Variants in ASAP2 observed in about 807,000 individuals in gnomAD.
ASAP2 encodes arf-GAP with SH3 domain, ANK repeat and PH domain-containing protein 2.
A neutral mutation model predicts 131.4 loss-of-function variants in ASAP2; 45 were observed. The ratio of observed to expected loss-of-function variants is 0.34; its 90% CI spans 0.27 to 0.44. The LOEUF is 0.44. Among genes scored for constraint, ASAP2 ranks in the 20% least tolerant of loss-of-function variants. The pLI is 1.00. For synonymous variants in ASAP2, 510 were observed against 503.0 expected (o/e 1.01, Z -0.19); for missense variants, 1,011 against 1,297.0 (o/e 0.78, Z 3.39).
At chr2:9,319,133 T>A (rs1433233478) in intron 4 of ASAP2, among the ~76,000 whole-genome samples, 1 of 152,032 alleles carries the variant, frequency 6.6e-6, no homozygotes, top group Non-Finnish European at 1.5e-5. Flanking sequence ...GAGGGGCGTT[T>A]GCTCATGAGC....
intron 2 of ASAP2, among the ~76,000 whole-genome samples, chr2:9,288,164 A>T (rs1667584966): frequency 6.6e-6 from 1 of 152,164 alleles, no homozygotes. Context: ...TGGGATGCCC[A>T]TACCCCCATA....
intron 16 of ASAP2, among the ~76,000 whole-genome samples, chr2:9,372,715 A>T (rs1176611206): frequency 6.6e-6 from 1 of 152,200 alleles, no homozygotes; most frequent in Non-Finnish European, 1.5e-5. Flanking sequence ...GTTCAGGGTC[A>T]GAGGTGGCTG....
chr2:9,301,653 G>A (rs183549418), intron 3 of ASAP2, among the ~76,000 whole-genome samples: 428 of 152,206 alleles, frequency 2.8e-3, no homozygotes, highest in Admixed American at 4.9e-3. Context: ...TGCAGAACCC[G>A]CTCCACATGA....
intron 3 of ASAP2, among the ~76,000 whole-genome samples, chr2:9,309,315 G>A (rs912987760): frequency 1.2e-4 from 19 of 152,168 alleles, no homozygotes; most frequent in Admixed American, 3.3e-4. Flanking sequence ...ACTGGTACAC[G>A]CAACTACATG....
At chr2:9,368,237 C>T (rs908153470) in intron 15 of ASAP2, among the ~76,000 whole-genome samples, 188 bp from the exon 16 acceptor site, 6 of 152,234 alleles carry the variant, frequency 3.9e-5, no homozygotes, top group Non-Finnish European at 7.4e-5. Flanking sequence ...ATAGGCATGC[C>T]GCTTCTTATC....
At chr2:9,397,750 ATTTT>A (rs1172660637) in intron 24 of ASAP2, among the ~76,000 whole-genome samples, 1 of 44,802 alleles carries the variant, frequency 2.2e-5, no homozygotes, top group African/African-American at 1.7e-4. Context: ...ATATATATAT[ATTTT>A]TTTTTTTTTT....
chr2:9,323,765 C>T, intron 6 of ASAP2, among the ~76,000 whole-genome samples: 1 of 152,190 alleles, frequency 6.6e-6, no homozygotes, highest in Non-Finnish European at 1.5e-5. Flanking sequence ...CCCAGGTGGC[C>T]TGGGGAGCGC....
rs769904858 is a variant in ASAP2 at position 9,400,803 on chromosome 2, T to C, written c.2796T>C (p.Pro932=). The C allele has an allele frequency of 7.4e-6, 12 of 1,613,534 alleles. No homozygotes were observed. In the Admixed American group the frequency reaches 2.0e-4, roughly 27 times the overall value. ...PLSNAMVLQP[P]APMPRKSQAT... ...CCAATGCTATGGTCCTGCAGCCCCC[T>C]GCACCCATGCCTAGGAAGTCGCAGG... The change falls in exon 26 of 28, where the codon CCT becomes CCC. Residue 932 remains proline, a synonymous_variant. Transcript: ENST00000281419.
chr2:9,400,721 T>C, intron 25 of ASAP2, 21 bp from the exon 26 acceptor site: 1 of 1,594,456 alleles, frequency 6.3e-7, no homozygotes, highest in African/African-American at 1.3e-5. Context: ...TGTCTTAAGC[T>C]GCTTCATTTT....
chr2:9,334,067 G>A (rs113317859), intron 7 of ASAP2, among the ~76,000 whole-genome samples: 6,025 of 120,848 alleles, frequency 0.05, 508 homozygotes, highest in African/African-American at 0.17. Flanking sequence ...TTTTTTTTTG[G>A]GAGACAGTCT....
chr2:9,397,738 A>T (rs1676258901), intron 24 of ASAP2, among the ~76,000 whole-genome samples: 4 of 86,498 alleles, frequency 4.6e-5, no homozygotes, highest in African/African-American at 2.9e-4. Flanking sequence ...ATATATATAT[A>T]TATATATATA....
intron 1 of ASAP2, among the ~76,000 whole-genome samples, chr2:9,277,699 C>T (rs952767375): frequency 1.3e-5 from 2 of 152,180 alleles, no homozygotes; most frequent in African/African-American, 2.4e-5. Context: ...CTCAGTGAAC[C>T]GACAGGGACA....
chr2:9,336,809 C>A (rs1378934359), intron 9 of ASAP2, among the ~76,000 whole-genome samples: 1 of 152,228 alleles, frequency 6.6e-6, no homozygotes, highest in African/African-American at 2.4e-5. Flanking sequence ...AGGGCAGGAG[C>A]CAGAATGCCG....
intron 9 of ASAP2, among the ~76,000 whole-genome samples, chr2:9,340,804 G>C (rs946739544): frequency 6.6e-6 from 1 of 152,192 alleles, no homozygotes; most frequent in Non-Finnish European, 1.5e-5. Flanking sequence ...CAGATTCTGT[G>C]TTGGCCAGAC....
At chr2:9,332,669 A>G (rs116065247) in intron 7 of ASAP2, among the ~76,000 whole-genome samples, 296 of 152,272 alleles carry the variant, frequency 1.9e-3, no homozygotes, top group Non-Finnish European at 3.4e-3. Context: ...GGAGCTGTAC[A>G]CCTGCTCCCT....
chr2:9,317,177 TCAA>T (rs201343119), intron 3 of ASAP2, among the ~76,000 whole-genome samples: 4,626 of 101,968 alleles, frequency 0.045, 184 homozygotes, highest in African/African-American at 0.17. Flanking sequence ...CTCACCACAC[TCAA>T]CACACACCCC....
chr2:9,390,325 G>A (rs1675619810), intron 22 of ASAP2, among the ~76,000 whole-genome samples: 1 of 152,230 alleles, frequency 6.6e-6, no homozygotes, highest in Admixed American at 6.5e-5. Flanking sequence ...CAGGGGAGGA[G>A]CTCGAAGGCT....
intron 1 of ASAP2, among the ~76,000 whole-genome samples, chr2:9,254,348 C>T (rs1397956991): frequency 1.6e-5 from 2 of 125,482 alleles, no homozygotes; most frequent in Non-Finnish European, 3.2e-5. Context: ...AATTTATAAA[C>T]TAAACTTTTT....
intron 7 of ASAP2, among the ~76,000 whole-genome samples, chr2:9,332,173 G>C (rs539329803): frequency 1.3e-5 from 2 of 152,118 alleles, no homozygotes; most frequent in Non-Finnish European, 2.9e-5. Flanking sequence ...AAATTTGATT[G>C]GGTAATGTTG....
Sources: gnomAD v4.1 joint callset for allele counts (sites outside exome capture counted in the v4.1 genomes callset) on GRCh38, gnomAD v4.1.1 for gene constraint, MANE v1.5 for transcripts, NCBI Gene and HGNC (gene_info 2026-07-23, HGNC 2026-07-21) for gene names.